The following ABCA3 variants were observed in gnomAD, a reference collection of about 807,000 sequenced individuals.
ABCA3 encodes phospholipid-transporting ATPase ABCA3.
A neutral mutation model predicts 172.8 loss-of-function variants in ABCA3; 88 were observed. The observed-to-expected ratio is 0.51, with a 90% CI of 0.43 to 0.61. The LOEUF (loss-of-function observed/expected upper bound fraction) is 0.61. ABCA3 is among the 20% of genes least tolerant of loss of function. ABCA3 has a pLI of 0.00. For missense variants in ABCA3, 2,164 were observed against 2,301.0 expected, an observed-to-expected ratio of 0.94 and a Z score of 1.22; for synonymous variants, 1,066 against 983.8, an observed-to-expected ratio of 1.08 and a Z score of -1.56.
At chr16:2,303,139 A>G (rs1026094808) in intron 12 of ABCA3, among the ~76,000 whole-genome samples, 1 of 151,802 alleles carries the variant, frequency 6.6e-6, no homozygotes, top group Admixed American at 6.6e-5. Flanking sequence ...ATGTCCATCC[A>G]TCTGTGCTCT....
At position 2,336,456 on chromosome 16, in the gene ABCA3, G is replaced by C. The variant is rs181198828; in HGVS notation, c.-539+4117C>G. Among the ~76,000 whole-genome samples, 90 of 150,708 alleles carry C rather than the reference G, an allele frequency of 6.0e-4. 1 individual carries two copies. The East Asian group carries it at 0.013, about 22-fold the overall frequency. On this transcript the variant is annotated intron_variant, in intron 1 of 32. Transcript: ENST00000301732. ...CTTTTTTTTTTTTTTTTGAGACAGA[G>C]TTTCACTCTTGTTGCCCAGGCTGGA...
chr16:2,297,181 G>T lies in ABCA3; in HGVS notation c.2263+148C>A. Reference sequence around the variant, plus strand: ...TCCCTCTCACAAGCCCCCCTGCCTGGTTGGGCTCTCCACCCAGAGGCAACA... The same window carrying T: ...TCCCTCTCACAAGCCCCCCTGCCTGTTTGGGCTCTCCACCCAGAGGCAACA... On this transcript the variant is annotated intron_variant, in intron 17 of 32. Coordinates refer to ENST00000301732, the MANE Select transcript of ABCA3 (RefSeq NM_001089.3). The surrounding 1 kb of genome is among the most constrained non-coding windows in gnomAD (Gnocchi z 5.6). 3.6e-6 allele frequency: 3 copies of T among 834,030 alleles called. No homozygotes were observed. The highest frequency in any genetic ancestry group is 2.0e-5 in the Admixed American group (1 of 49,442). 51.7% of individuals were successfully genotyped at this position (834,030 alleles called of 1,614,324 possible). A position where few individuals can be genotyped will look rare whatever the true frequency, so the allele number is the denominator to read the frequency against.
At chr16:2,321,739 G>A (rs1315804564) in intron 7 of ABCA3, among the ~76,000 whole-genome samples, 3 of 152,164 alleles carry the variant, frequency 2.0e-5, no homozygotes, top group Non-Finnish European at 4.4e-5. Context: ...GGGCATCAGA[G>A]TAACCAAGAT....
Position 2,278,353 on chromosome 16 carries a change from G to T in ABCA3, c.4653C>A (p.Arg1551=). The T allele has an allele frequency of 3.1e-6, 5 of 1,612,030 alleles. No homozygotes were observed. The highest frequency in any genetic ancestry group is 4.2e-6 in the Non-Finnish European group (5 of 1,179,986). The change falls in exon 30 of 33, where the codon CGC becomes CGA. Residue 1551 remains arginine (R), a synonymous_variant. Coordinates refer to ENST00000301732, the MANE Select transcript of ABCA3 (RefSeq NM_001089.3). This position sits in a 1 kb window ranked among gnomAD's most constrained non-coding sequence, Gnocchi z 4.4. ...CTCGTGCCACGGTGTCCCAAAGCAG[G>T]CGCCGGGCCACGGGGTCCATGCCAG... ...PSTGMDPVAR[R]LLWDTVARAR... is the part of the protein sequence containing the mutation.
Position 2,281,124 on chromosome 16 carries a change from C to G in ABCA3, c.4262G>C (p.Gly1421Ala). The G allele has an allele frequency of 6.2e-7, 1 of 1,613,976 alleles. No homozygotes were observed. Among genetic ancestry groups the G allele is most frequent in the Non-Finnish European group, 8.5e-7 (1 of 1,180,034 alleles). Reference sequence around the variant, plus strand: ...CAGCATTTTGAAAGTCGTGGTCTTCCCGGCTCCATTGAAGCCCAGCAGGCC... The same window carrying G: ...CAGCATTTTGAAAGTCGTGGTCTTCGCGGCTCCATTGAAGCCCAGCAGGCC... ...CFGLLGFNGAGKTTTFKMLTG... is the reference protein window; with the variant it reads ...CFGLLGFNGAAKTTTFKMLTG... The change falls in exon 28 of 33, where the codon GGG becomes GCG. Residue 1421 changes from glycine to alanine, a missense_variant. Around this residue, in one of 3 missense-constraint regions of ABCA3, gnomAD observed 795 missense variants for 881.9 expected, o/e 0.90. Coordinates refer to ENST00000301732, the MANE Select transcript of ABCA3 (RefSeq NM_001089.3). The surrounding 1 kb of genome is among the most constrained non-coding windows in gnomAD (Gnocchi z 4.7).
rs138828449 is a variant in ABCA3 at position 2,328,153 on chromosome 16, A to G, written c.-27+300T>C. 2.2e-3 allele frequency among the ~76,000 whole-genome samples: 338 copies of G among 152,360 alleles called. 1 individual carries two copies. Among genetic ancestry groups the G allele is most frequent in the African/African-American group, 7.5e-3 (313 of 41,584 alleles). On this transcript the variant is annotated intron_variant, in intron 3 of 32. Transcript: ENST00000301732. ...AAAATCTGCCAAAAGATGATCAAATACAGGTGATAGCAGAAATGAGAGCTT... is the reference window on the plus strand; with the variant it reads ...AAAATCTGCCAAAAGATGATCAAATGCAGGTGATAGCAGAAATGAGAGCTT...
chr16:2,295,558 ATACCTGTGCGTGCCCTCCCTGGGAGGCG>A lies in ABCA3; in HGVS notation c.2414+4_2414+31del, dbSNP rs762098877. 16 of 1,607,724 alleles carry A rather than the reference ATACCTGTGCGTGCCCTCCCTGGGAGGCG, an allele frequency of 1.0e-5. No homozygotes were observed. The highest frequency in any genetic ancestry group is 2.2e-5 in the East Asian group (1 of 44,868). The stretch of plus-strand genomic sequence containing the variant: ...CCCATGGGGATCCCATCTTGGATGT[ATACCTGTGCGTGCCCTCCCTGGGAGGCG>A]TACCTGTGCGTGCTCTCTCTGGGAA... On this transcript the variant is annotated splice_donor_5th_base_variant and intron_variant, in intron 18 of 32. Coordinates refer to ENST00000301732, the MANE Select transcript of ABCA3 (RefSeq NM_001089.3).
In ABCA3 at chr16:2,288,140, C is replaced by T. The variant is rs141233327; in HGVS notation, c.2890G>A (p.Gly964Ser). The change falls in exon 21 of 33, where the codon GGC becomes AGC. Residue 964 changes from glycine to serine, a missense_variant. Around this residue, in one of 3 missense-constraint regions of ABCA3, gnomAD observed 1,343 missense variants for 1,369.6 expected, o/e 0.98. Transcript: ENST00000301732. ...PMLRLTLGEYGRTVVPFSVPG... is the reference protein window; with the variant it reads ...PMLRLTLGEYSRTVVPFSVPG... ...ACTGAGAAGGGCACGACGGTTCTGCCGTACTCGCCCAAGGTCAGCCTCAGC... is the reference window on the plus strand; with the variant it reads ...ACTGAGAAGGGCACGACGGTTCTGCTGTACTCGCCCAAGGTCAGCCTCAGC... The T allele has an allele frequency of 4.3e-6, 7 of 1,612,054 alleles. No individual in the cohort carries two copies. Among genetic ancestry groups the T allele is most frequent in the South Asian group, 1.1e-5 (1 of 90,674 alleles).
intron 1 of ABCA3, among the ~76,000 whole-genome samples, chr16:2,333,279 C>A (rs1307646962): frequency 1.3e-5 from 2 of 152,190 alleles, no homozygotes; most frequent in Non-Finnish European, 2.9e-5. Context: ...ACACCTCCCT[C>A]CATGAAAGCC....
rs751891871 is a variant in ABCA3 at position 2,340,069 on chromosome 16, AG to A, written c.-539+503del. Among the ~76,000 whole-genome samples the A allele has an allele frequency of 4.9e-4, 75 of 152,356 alleles. 1 individual carries two copies. The highest frequency in any genetic ancestry group is 1.6e-3 in the Admixed American group (25 of 15,308). Reference sequence around the variant, plus strand: ...GGATTTGGAGGCTCCTCGGAACCAGAGGGTGGGAGCAGGCGGAATCCAACCC... The same window carrying A: ...GGATTTGGAGGCTCCTCGGAACCAGAGGTGGGAGCAGGCGGAATCCAACCC... On this transcript the variant is annotated intron_variant, in intron 1 of 32. Transcript: ENST00000301732.
intron 5 of ABCA3, among the ~76,000 whole-genome samples, chr16:2,325,625 C>G (rs1226834458): frequency 2.0e-5 from 3 of 152,172 alleles, no homozygotes; most frequent in Non-Finnish European, 4.4e-5. Flanking sequence ...TCTTATTGGA[C>G]TCTGTTCACA....
Position 2,288,107 on chromosome 16 carries a change from T to G in ABCA3, c.2923A>C (p.Thr975Pro). Residue 975 changes from threonine to proline, a missense_variant, in exon 21 of 33, where the codon ACC becomes CCC. By Grantham distance (38) the Thr-to-Pro change is conservative. Around this residue, in one of 3 missense-constraint regions of ABCA3, gnomAD observed 1,343 missense variants for 1,369.6 expected, o/e 0.98. Transcript: ENST00000301732. The part of the protein sequence containing the change: ...RTVVPFSVPG[T>P]SQLGQQLSEH... ...GACAGCTGCTGACCCAGCTGGGAGG[T>G]CCCGGGAACTGAGAAGGGCACGACG... is the stretch of plus-strand genomic sequence containing the variant. 1 of 1,612,966 alleles carries G rather than the reference T, an allele frequency of 6.2e-7. No individual in the cohort carries two copies. Among genetic ancestry groups the G allele is most frequent in the East Asian group, 2.2e-5 (1 of 44,840 alleles).
chr16:2,281,358 T>C lies in ABCA3; in HGVS notation c.4164+23A>G. 1 of 1,613,516 alleles carries C rather than the reference T, an allele frequency of 6.2e-7. No homozygotes were observed. The highest frequency in any genetic ancestry group is 2.2e-5 in the East Asian group (1 of 44,886). ...CAGGTAGTCAGCTGGCAGGAAGGAC[T>C]CCACCCCAAATTGCAAGGGTACCTT... On this transcript the variant is annotated intron_variant, in intron 27 of 32. Transcript: ENST00000301732. The surrounding 1 kb of genome is among the most constrained non-coding windows in gnomAD (Gnocchi z 4.7).
intron 10 of ABCA3, among the ~76,000 whole-genome samples, chr16:2,313,413 G>T (rs892153186): frequency 6.6e-6 from 1 of 151,702 alleles, no homozygotes; most frequent in African/African-American, 2.4e-5. Flanking sequence ...AATTAGCTGG[G>T]CATGCTGGCT....
intron 18 of ABCA3, among the ~76,000 whole-genome samples, chr16:2,292,826 G>A (rs1409188595): frequency 1.3e-5 from 2 of 151,794 alleles, no homozygotes; most frequent in Non-Finnish European, 2.9e-5. Flanking sequence ...ATGGCGGCTT[G>A]TGCCTGTAAT....
rs1215735480 is a variant in ABCA3, at chr16:2,278,080, G to A, written c.4719-11C>T. On this transcript the variant is annotated splice_polypyrimidine_tract_variant and intron_variant, in intron 30 of 32. Coordinates refer to ENST00000301732, the MANE Select transcript of ABCA3 (RefSeq NM_001089.3). The surrounding 1 kb of genome is among the most constrained non-coding windows in gnomAD (Gnocchi z 4.4). The stretch of plus-strand genomic sequence containing the variant: ...TCACACTCCTCCATGCTGTGGAGAG[G>A]GCGGGACCTCAGATAGGGCTTGGGG... The A allele has an allele frequency of 6.2e-7, 1 of 1,613,230 alleles. No homozygotes were observed. The highest frequency in any genetic ancestry group is 2.2e-5 in the East Asian group (1 of 44,896).
rs2093665795 is a variant in ABCA3, at chr16:2,288,047, G to T, written c.2983C>A (p.Gln995Lys). The T allele has an allele frequency of 6.2e-7, 1 of 1,610,106 alleles. No homozygotes were observed. Among genetic ancestry groups the T allele is most frequent in the African/African-American group, 1.3e-5 (1 of 75,048 alleles). The change falls in exon 21 of 33, where the codon CAG becomes AAG. Residue 995 changes from glutamine (Q) to lysine (K), a missense_variant. Gln to Lys is a moderately conservative substitution (Grantham distance 53). This residue lies in a region of ABCA3 where 1,343 missense variants were observed against 1,369.6 expected (regional missense o/e 0.98). Coordinates refer to ENST00000301732, the MANE Select transcript of ABCA3 (RefSeq NM_001089.3). ...HLKDALQAEG[Q>K]EPREVLGDLE... ...TTACCGAGCACCTCGCGGGGCTCCT[G>T]TCCCTCAGCCTGCAGTGCGTCTTTC...
chr16:2,277,966 C>T lies in ABCA3; in HGVS notation c.4822G>A (p.Gly1608Ser), dbSNP rs397518430. 15 of 1,612,752 alleles carry T rather than the reference C, an allele frequency of 9.3e-6. No individual in the cohort carries two copies. The highest frequency in any genetic ancestry group is 2.7e-5 in the African/African-American group (2 of 74,906). Residue 1608 changes from glycine (G) to serine (S), a missense_variant, in exon 31 of 33, where the codon GGC becomes AGC. Coordinates refer to ENST00000301732, the MANE Select transcript of ABCA3 (RefSeq NM_001089.3). This position sits in a 1 kb window ranked among gnomAD's most constrained non-coding sequence, Gnocchi z 5.3. ...TGCACCTTGGCCCGCAGGGAGTAGC[C>T]GCTGCCGAACTTGCTCTTGAGGTGC... Reference protein sequence around the residue: ...PQHLKSKFGSGYSLRAKVQSE... With the variant: ...PQHLKSKFGSSYSLRAKVQSE...
intron 10 of ABCA3, among the ~76,000 whole-genome samples, chr16:2,311,170 C>T (rs2141722419): frequency 6.6e-6 from 1 of 151,960 alleles, no homozygotes; most frequent in Non-Finnish European, 1.5e-5. Flanking sequence ...GACGGGGTTT[C>T]ACCATGTTGG....
Sources: allele counts gnomAD v4.1 joint callset (sites outside exome capture counted in the v4.1 genomes callset), GRCh38; gene constraint gnomAD v4.1.1; regional missense constraint gnomAD v4.1.1; non-coding constraint Gnocchi (gnomAD v3.1); transcripts MANE v1.5; gene names NCBI Gene and HGNC (gene_info 2026-07-23, HGNC 2026-07-21).